Variants in TAF3 observed in about 807,000 individuals in gnomAD.
TAF3 encodes the protein TATA-box binding protein associated factor 3.
In TAF3, 7 loss-of-function variants were observed where a neutral mutation model predicts 80.6. That is an observed-to-expected ratio of 0.09 (90% CI 0.05 to 0.16). The LOEUF (loss-of-function observed/expected upper bound fraction) is 0.16. Ranked by LOEUF, TAF3 falls within the 10% of genes least tolerant of loss-of-function variation. The pLI, the probability that TAF3 is intolerant of heterozygous loss-of-function variation, is 1.00. For missense variants in TAF3, 921 were observed against 1,140.2 expected (o/e 0.81, Z 2.77); for synonymous variants, 444 against 446.1 (o/e 1.00, Z 0.06).
At chr10:7,960,621 G>C (rs1838180659) in intron 2 of TAF3, among the ~76,000 whole-genome samples, 1 of 152,208 alleles carries the variant, frequency 6.6e-6, no homozygotes, top group South Asian at 2.1e-4. Flanking sequence ...TTGCAGATAA[G>C]TTAGCATGGC....
At chr10:7,988,961 G>T (rs1362314380) in intron 4 of TAF3, among the ~76,000 whole-genome samples, 1 of 151,936 alleles carries the variant, frequency 6.6e-6, no homozygotes, top group Non-Finnish European at 1.5e-5. Context: ...TAAAAAAAAT[G>T]TGTGTCCTAT....
intron 2 of TAF3, among the ~76,000 whole-genome samples, chr10:7,871,772 A>C (rs1420036916): frequency 6.6e-6 from 1 of 152,198 alleles, no homozygotes; most frequent in Non-Finnish European, 1.5e-5. Context: ...ATGACATTAT[A>C]TGCATGACAG....
chr10:7,878,876 C>T (rs945560244), intron 2 of TAF3, among the ~76,000 whole-genome samples: 12 of 152,118 alleles, frequency 7.9e-5, no homozygotes, highest in South Asian at 2.1e-4. Flanking sequence ...CACAGGCACA[C>T]ACCACCACAC....
In TAF3 at chr10:8,008,092, CTT is replaced by C. The variant is rs1162726965; in HGVS notation, c.2316-965_2316-964del. Among the ~76,000 whole-genome samples the C allele has an allele frequency of 2.7e-3, 289 of 106,012 alleles. 1 individual carries two copies. Among genetic ancestry groups the C allele is most frequent in the African/African-American group, 9.2e-3 (261 of 28,292 alleles). The allele number at this position is 106,012 out of a possible 152,430, so 69.5% of individuals were successfully genotyped here. Reference sequence around the variant, plus strand: ...CCTCTGCAGCCCGTCTGGGAACAATCTTTTTTTTTTTTTTTTTTTTTTGAGAC... The same window carrying C: ...CCTCTGCAGCCCGTCTGGGAACAATCTTTTTTTTTTTTTTTTTTTTGAGAC... On this transcript the variant is annotated intron_variant, in intron 4 of 6. Transcript: ENST00000344293.
At chr10:7,844,585 C>G (rs1836951068) in intron 2 of TAF3, among the ~76,000 whole-genome samples, 1 of 152,072 alleles carries the variant, frequency 6.6e-6, no homozygotes. Context: ...ACCATGTTGG[C>G]CAGGATGGTC....
chr10:7,935,780 C>T (rs1837913764), intron 2 of TAF3, among the ~76,000 whole-genome samples: 1 of 152,060 alleles, frequency 6.6e-6, no homozygotes, highest in Non-Finnish European at 1.5e-5. Flanking sequence ...AGATTCCAGG[C>T]CTTGAGGCTG....
intron 2 of TAF3, among the ~76,000 whole-genome samples, chr10:7,864,948 G>A (rs1379582424): frequency 6.6e-6 from 1 of 152,040 alleles, no homozygotes; most frequent in South Asian, 2.1e-4. Context: ...GTTTTGGGTG[G>A]CTGGGGTGGG....
chr10:7,878,136 A>G (rs1318693615), intron 2 of TAF3, among the ~76,000 whole-genome samples: 1 of 152,190 alleles, frequency 6.6e-6, no homozygotes, highest in Non-Finnish European at 1.5e-5. Flanking sequence ...AAAACAATAC[A>G]TTTAATCATA....
intron 4 of TAF3, among the ~76,000 whole-genome samples, chr10:8,006,211 C>T (rs1166851925): frequency 6.6e-6 from 1 of 150,768 alleles, no homozygotes; most frequent in South Asian, 2.1e-4. Flanking sequence ...CACACACACA[C>T]ACACACACAC....
chr10:7,862,040 G>A (rs1419700111), intron 2 of TAF3, among the ~76,000 whole-genome samples: 1 of 151,986 alleles, frequency 6.6e-6, no homozygotes, highest in Non-Finnish European at 1.5e-5. Context: ...TCTATTTTCA[G>A]GGTCACTGAG....
chr10:7,965,861 A>G, intron 3 of TAF3, 119 bp downstream of exon 3: 2 of 1,363,544 alleles, frequency 1.5e-6, no homozygotes, highest in East Asian at 2.6e-5. Flanking sequence ...TTAAGTGGAA[A>G]TATGTTTATA....
chr10:7,901,398 C>G (rs538293127), intron 2 of TAF3, among the ~76,000 whole-genome samples: 6 of 152,258 alleles, frequency 3.9e-5, no homozygotes, highest in Admixed American at 1.3e-4. Flanking sequence ...AATTAATTAT[C>G]CAGTATGAAA....
chr10:7,842,801 A>G (rs1836931232), intron 2 of TAF3, among the ~76,000 whole-genome samples: 1 of 151,894 alleles, frequency 6.6e-6, no homozygotes, highest in Admixed American at 6.6e-5. Flanking sequence ...CAAATTAGAT[A>G]TAAATGTCGT....
At chr10:7,902,180 T>A (rs1238474695) in intron 2 of TAF3, among the ~76,000 whole-genome samples, 1 of 152,168 alleles carries the variant, frequency 6.6e-6, no homozygotes, top group East Asian at 1.9e-4. Context: ...TCCCAGCACT[T>A]TGGGAGGCTG....
intron 4 of TAF3, among the ~76,000 whole-genome samples, chr10:7,997,650 A>G (rs1292187857): frequency 6.6e-6 from 1 of 152,190 alleles, no homozygotes; most frequent in Admixed American, 6.5e-5. Context: ...CTGTGATCAA[A>G]TCCTCCAAAA....
At chr10:7,974,636 G>A (rs1831652935) in intron 3 of TAF3, among the ~76,000 whole-genome samples, 2 of 152,110 alleles carry the variant, frequency 1.3e-5, no homozygotes, top group African/African-American at 4.8e-5. Context: ...GGAAAACTGG[G>A]ACATGAGGAC....
rs185728084 is a variant in TAF3 at position 7,996,612 on chromosome 10, A to G, written c.2316-12466A>G. On this transcript the variant is annotated intron_variant, in intron 4 of 6. Coordinates refer to ENST00000344293, the MANE Select transcript of TAF3 (RefSeq NM_031923.4). ...ATAGTAATATGATTGTGACATTTCA[A>G]TGTCTTTTTTTTTTGTATTTGTTGT... is the stretch of plus-strand genomic sequence containing the variant. Among the ~76,000 whole-genome samples, 12 of 151,680 alleles carry G rather than the reference A, an allele frequency of 7.9e-5. No homozygotes were observed. The East Asian group carries it at 2.1e-3, about 27-fold the overall frequency.
chr10:7,969,277 A>T (rs1051070567), intron 3 of TAF3, among the ~76,000 whole-genome samples: 12 of 152,178 alleles, frequency 7.9e-5, no homozygotes, highest in Non-Finnish European at 1.5e-4. Context: ...CTTGGGCAAC[A>T]GAGTGAGACC....
chr10:7,887,141 A>G (rs889404641), intron 2 of TAF3, among the ~76,000 whole-genome samples: 1 of 151,886 alleles, frequency 6.6e-6, no homozygotes, highest in Non-Finnish European at 1.5e-5. Context: ...AGACAGGCAG[A>G]GAATTGCTTG....
Sources: allele counts gnomAD v4.1 joint callset (sites outside exome capture counted in the v4.1 genomes callset), GRCh38; gene constraint gnomAD v4.1.1; transcripts MANE v1.5; gene names NCBI Gene and HGNC (gene_info 2026-07-23, HGNC 2026-07-21).